Variants in HPCAL4 observed in about 807,000 individuals in gnomAD.
HPCAL4 encodes hippocalcin-like protein 4.
A neutral mutation model predicts 18.2 loss-of-function variants in HPCAL4; 16 were observed. The ratio of observed to expected loss-of-function variants is 0.88; its 90% confidence interval spans 0.59 to 1.33. The LOEUF (loss-of-function observed/expected upper bound fraction) is 1.33. Among genes scored for constraint, HPCAL4 ranks in the 40% most tolerant of loss-of-function variants. The probability of loss-of-function intolerance (pLI) is 0.00; values close to 1 mark genes in which losing one functional copy is unlikely to be tolerated. For missense variants in HPCAL4, 214 were observed against 256.6 expected (o/e 0.83, Z 1.14); for synonymous variants, 80 against 97.5 (o/e 0.82, Z 1.06).
Position 39,682,506 on chromosome 1 carries a change from C to T in HPCAL4, c.*30G>A. 6.2e-7 allele frequency: 1 copy of T among 1,611,838 alleles called. No individual in the cohort carries two copies. The highest frequency in any genetic ancestry group is 8.5e-7 in the Non-Finnish European group (1 of 1,178,240). ...AGGTTGGGAGGTGGCCATGCCCCTTCTGGCCAGGGACCCTGCCCCTCACCA... is the reference window on the plus strand; with the variant it reads ...AGGTTGGGAGGTGGCCATGCCCCTTTTGGCCAGGGACCCTGCCCCTCACCA... On this transcript the variant is annotated 3_prime_UTR_variant, in exon 4 of 4. Coordinates refer to ENST00000372844, the MANE Select transcript of HPCAL4 (RefSeq NM_016257.4).
chr1:39,689,983 C>G (rs990681014), intron 1 of HPCAL4, among the ~76,000 whole-genome samples: 1 of 152,184 alleles, frequency 6.6e-6, no homozygotes, highest in African/African-American at 2.4e-5. Flanking sequence ...GTAATCCCAG[C>G]TGGCCACCTA....
rs1646613220 is a variant in HPCAL4 at position 39,680,129 on chromosome 1, A to G, written c.*2407T>C. 6.6e-6 allele frequency: 1 copy of G among 152,632 alleles called. No homozygotes were observed. The highest frequency in any genetic ancestry group is 2.4e-5 in the African/African-American group (1 of 41,440). 9.5% of individuals were successfully genotyped at this position (152,632 alleles called of 1,614,324 possible). ...CAATCTCAGAAGCTTTTTAGCAGGA[A>G]GCCTATAAAGGATGAATATCAATGT... On this transcript the variant is annotated 3_prime_UTR_variant, in exon 4 of 4. Transcript: ENST00000372844.
At chr1:39,685,715 T>C (rs1646667723) in intron 1 of HPCAL4, among the ~76,000 whole-genome samples, 1 of 151,530 alleles carries the variant, frequency 6.6e-6, no homozygotes, top group African/African-American at 2.4e-5. Context: ...CTGTCTCTAC[T>C]ACAAATACAA....
In HPCAL4 at chr1:39,684,132, G is replaced by A. The variant is rs1646651923; in HGVS notation, c.183C>T (p.Ala61=). The A allele has an allele frequency of 1.9e-6, 3 of 1,612,926 alleles. No homozygotes were observed. The highest frequency in any genetic ancestry group is 1.7e-6 in the Non-Finnish European group (2 of 1,179,618). ...GGAAAGCGTGCTGCGCGAACTTGGAGGCGTCGCCGTAGGGGAAGAACTGAG... is the reference window on the plus strand; with the variant it reads ...GGAAAGCGTGCTGCGCGAACTTGGAAGCGTCGCCGTAGGGGAAGAACTGAG... ...LYIKFFPYGD[A]SKFAQHAFRT... The change falls in exon 3 of 4, where the codon GCC becomes GCT. Residue 61 remains alanine (A), a synonymous_variant. Coordinates refer to ENST00000372844, the MANE Select transcript of HPCAL4 (RefSeq NM_016257.4).
Position 39,682,564 on chromosome 1 carries a change from A to G in HPCAL4, c.548T>C (p.Leu183Ser). ...CTTCTGCATGTCACACTGCAGCAGCAACACAATGGATGGGTCACTCTTGGC... is the reference window on the plus strand; with the variant it reads ...CTTCTGCATGTCACACTGCAGCAGCGACACAATGGATGGGTCACTCTTGGC... ...EAAKSDPSIV[L>S]LLQCDMQK The change falls in exon 4 of 4, where the codon TTG (leucine) becomes TCG (serine). Residue 183 changes from leucine to serine, a missense_variant. Coordinates refer to ENST00000372844, the MANE Select transcript of HPCAL4 (RefSeq NM_016257.4). 1 of 1,614,254 alleles carries G rather than the reference A, an allele frequency of 6.2e-7. No homozygotes were observed. The highest frequency in any genetic ancestry group is 8.5e-7 in the Non-Finnish European group (1 of 1,180,044).
At chr1:39,690,599 G>T (rs563392583) in intron 1 of HPCAL4, among the ~76,000 whole-genome samples, 1 of 152,300 alleles carries the variant, frequency 6.6e-6, no homozygotes, top group East Asian at 1.9e-4. Flanking sequence ...TGGGTGGTCT[G>T]CTGGGGGTGG....
rs574506342 is a variant in HPCAL4 at position 39,684,006 on chromosome 1, C to T, written c.309G>A (p.Trp103Ter). Residue 103 changes from tryptophan to a stop codon, truncating the protein, a stop_gained, in exon 3 of 4, where the codon TGG becomes TGA. Transcript: ENST00000372844. LOFTEE classifies it high-confidence loss of function. ...SRGSFEQKLN[W>*]AFEMYDLDGD... is the part of the protein sequence containing the mutation. ...CGTCCAGGTCGTACATCTCAAAGGC[C>T]CAGTTGAGCTTCTGCTCGAAGCTGC... is the stretch of plus-strand genomic sequence containing the variant. 1.2e-6 allele frequency: 2 copies of T among 1,613,998 alleles called. No individual in the cohort carries two copies. The highest frequency in any genetic ancestry group is 1.1e-5 in the South Asian group (1 of 91,086).
Position 39,684,606 on chromosome 1 carries a change from C to CG in HPCAL4, c.-4dup. 6.3e-7 allele frequency: 1 copy of CG among 1,591,198 alleles called. No individual in the cohort carries two copies. Among genetic ancestry groups the CG allele is most frequent in the African/African-American group, 1.3e-5 (1 of 74,572 alleles). ...AGCTTGCTGTTGGTCTTCCCCATGG[C>CG]GGGGCCTGTGGGACAGAGGGATTCC... On this transcript the variant is annotated 5_prime_UTR_variant, in exon 2 of 4. Transcript: ENST00000372844.
chr1:39,688,028 C>T (rs1046686953), intron 1 of HPCAL4, among the ~76,000 whole-genome samples: 1 of 152,178 alleles, frequency 6.6e-6, no homozygotes, highest in East Asian at 1.9e-4. Flanking sequence ...CTCAGGGTTA[C>T]ACAGCAGGTC....
chr1:39,690,188 G>A (rs1646707509), intron 1 of HPCAL4, among the ~76,000 whole-genome samples: 1 of 152,108 alleles, frequency 6.6e-6, no homozygotes, highest in Non-Finnish European at 1.5e-5. Flanking sequence ...TCAGGATCCT[G>A]TTTTTCCATA....
intron 3 of HPCAL4, 30 bp from the exon 4 acceptor site, chr1:39,682,763 A>ACAC: frequency 1.2e-6 from 2 of 1,607,908 alleles, no homozygotes; most frequent in Non-Finnish European, 8.5e-7. Context: ...GGAGGTGTGA[A>ACAC]CACCCACAAG....
chr1:39,682,816 G>C, intron 3 of HPCAL4, 83 bp from the exon 4 acceptor site: 1 of 1,040,684 alleles, frequency 9.6e-7, no homozygotes, highest in Non-Finnish European at 1.5e-6. Context: ...ATCTGGCAGG[G>C]AGAACACTGG....
rs764246054 is a variant in HPCAL4, at chr1:39,682,655, T to C, written c.457A>G (p.Lys153Glu). Residue 153 changes from lysine to glutamate, a missense_variant, in exon 4 of 4, where the codon AAG (lysine) becomes GAG (glutamate). Lys to Glu is a moderately conservative substitution (Grantham distance 56). Transcript: ENST00000372844. ...DGLTPQQRVD[K>E]IFKKMDQDKD... ...TCCTGGTCCATCTTCTTGAAGATCTTGTCCACACGCTGCTGGGGCGTGAGC... is the reference window on the plus strand; with the variant it reads ...TCCTGGTCCATCTTCTTGAAGATCTCGTCCACACGCTGCTGGGGCGTGAGC... 3 of 1,614,238 alleles carry C rather than the reference T, an allele frequency of 1.9e-6. No homozygotes were observed. Among genetic ancestry groups the C allele is most frequent in the Admixed American group, 1.7e-5 (1 of 60,036 alleles).
chr1:39,686,514 A>G (rs774947739), intron 1 of HPCAL4, among the ~76,000 whole-genome samples: 4 of 152,118 alleles, frequency 2.6e-5, no homozygotes, highest in Non-Finnish European at 5.9e-5. Flanking sequence ...AGACGTTAAG[A>G]AGGGCACTGG....
chr1:39,689,713 AGGGCTGT>A (rs1240777138), intron 1 of HPCAL4, among the ~76,000 whole-genome samples: 2 of 152,222 alleles, frequency 1.3e-5, no homozygotes, highest in African/African-American at 4.8e-5. Flanking sequence ...AAGAGGGCTA[AGGGCTGT>A]GGGCTTTGAA....
chr1:39,682,338 G>A lies in HPCAL4; in HGVS notation c.*198C>T. The A allele has an allele frequency of 1.7e-6, 1 of 594,270 alleles. No individual in the cohort carries two copies. The highest frequency in any genetic ancestry group is 1.9e-5 in the African/African-American group (1 of 53,916). 36.8% of individuals were successfully genotyped at this position (594,270 alleles called of 1,614,324 possible). On this transcript the variant is annotated 3_prime_UTR_variant, in exon 4 of 4. Coordinates refer to ENST00000372844, the MANE Select transcript of HPCAL4 (RefSeq NM_016257.4). ...AGGTGGGGCTAGAAGACAGGGTACT[G>A]GAGGACCTGTCTCTTTTGCAGGGTG...
At chr1:39,687,113 A>G (rs1646681592) in intron 1 of HPCAL4, among the ~76,000 whole-genome samples, 3 of 152,212 alleles carry the variant, frequency 2.0e-5, no homozygotes, top group Admixed American at 6.5e-5. Context: ...GCCATAAGGA[A>G]GACCAAGGAG....
intron 1 of HPCAL4, among the ~76,000 whole-genome samples, chr1:39,687,469 T>C (rs477913): frequency 0.11 from 17,174 of 152,222 alleles, 1,023 homozygotes; most frequent in Non-Finnish European, 0.12. Context: ...TGTGGGAGCA[T>C]GTCAATGTCT....
At chr1:39,686,019 A>G (rs1646671639) in intron 1 of HPCAL4, among the ~76,000 whole-genome samples, 3 of 150,244 alleles carry the variant, frequency 2.0e-5, no homozygotes, top group Admixed American at 6.7e-5. Flanking sequence ...ATCTCTACTA[A>G]AAATACAAAA....
Sources: allele counts gnomAD v4.1 joint callset (sites outside exome capture counted in the v4.1 genomes callset), GRCh38; gene constraint gnomAD v4.1.1; transcripts MANE v1.5; gene names NCBI Gene and HGNC (gene_info 2026-07-23, HGNC 2026-07-21).